Variants in CPVL observed in about 807,000 individuals in gnomAD.
The protein encoded by CPVL is carboxypeptidase vitellogenic like, also known as probable serine carboxypeptidase CPVL.
Under a neutral mutation model 63.7 loss-of-function variants are expected in CPVL, and 51 were observed. The observed-to-expected ratio is 0.80, with a 90% confidence interval of 0.64 to 1.01. CPVL has a LOEUF of 1.01. CPVL is among the 50% of genes least tolerant of loss of function. The pLI, the probability that CPVL is intolerant of heterozygous loss-of-function variation, is 0.00. For synonymous variants in CPVL, 195 were observed against 206.0 expected (o/e 0.95, Z 0.46); for missense variants, 530 against 573.1 (o/e 0.92, Z 0.77).
At chr7:29,097,171 G>A (rs1380132492) in intron 3 of CPVL, among the ~76,000 whole-genome samples, 1 of 152,118 alleles carries the variant, frequency 6.6e-6, no homozygotes, top group Non-Finnish European at 1.5e-5. Flanking sequence ...ACTAGAAAAG[G>A]GTATTGGCAG....
chr7:29,128,811 T>C (rs1159830428), intron 1 of CPVL, among the ~76,000 whole-genome samples: 1 of 151,818 alleles, frequency 6.6e-6, no homozygotes, highest in Non-Finnish European at 1.5e-5. Context: ...GGGAAACACA[T>C]CTCTGGGTAG....
intron 6 of CPVL, among the ~76,000 whole-genome samples, chr7:29,087,295 G>A (rs1365823229): frequency 6.6e-6 from 1 of 151,690 alleles, no homozygotes; most frequent in Non-Finnish European, 1.5e-5. Flanking sequence ...ATGGTGGTGC[G>A]CGCCTGTAGT....
At chr7:29,119,772 C>A (rs145358944) in intron 2 of CPVL, among the ~76,000 whole-genome samples, 3 of 152,122 alleles carry the variant, frequency 2.0e-5, no homozygotes, top group African/African-American at 7.2e-5. Context: ...TGCTGGATAA[C>A]GGGGCACAGC....
At chr7:29,173,028 G>A (rs1235208546) in intron 5 of CPVL, among the ~76,000 whole-genome samples, 1 of 151,830 alleles carries the variant, frequency 6.6e-6, no homozygotes, top group Admixed American at 6.6e-5. Context: ...CCACTCAGGA[G>A]CCTGGGGAAG....
At chr7:29,075,569 T>C (rs921111078) in intron 7 of CPVL, among the ~76,000 whole-genome samples, 9 of 144,782 alleles carry the variant, frequency 6.2e-5, no homozygotes, top group Non-Finnish European at 3.0e-5. Context: ...TCCTGGAATA[T>C]ACCACGGGTC....
chr7:29,022,356 G>A (rs1787084040), intron 12 of CPVL, among the ~76,000 whole-genome samples: 1 of 152,146 alleles, frequency 6.6e-6, no homozygotes, highest in Non-Finnish European at 1.5e-5. Flanking sequence ...CACCCCCACT[G>A]CCACTGGTGC....
In CPVL at chr7:29,098,432, AGGCGCCACCTCTC is replaced by A. The variant is rs1786681501; in HGVS notation, c.289-2228_289-2216del. Among the ~76,000 whole-genome samples the A allele has an allele frequency of 2.6e-5, 4 of 152,226 alleles. No homozygotes were observed. In the South Asian group the frequency reaches 8.3e-4, roughly 32 times the overall value. On this transcript the variant is annotated intron_variant, in intron 3 of 12. Coordinates refer to ENST00000265394, the MANE Select transcript of CPVL (RefSeq NM_031311.5). ...TGAGCTGGGGCACACCCCTCCTATGAGGCGCCACCTCTCGGGCTCATTCTTGAGTGTTAACAAA... is the reference window on the plus strand; with the variant it reads ...TGAGCTGGGGCACACCCCTCCTATGAGGGCTCATTCTTGAGTGTTAACAAA...
rs555736240 is a variant in CPVL at position 29,143,270 on chromosome 7, C to T, written c.-11+3159G>A. 3.3e-5 allele frequency among the ~76,000 whole-genome samples: 5 copies of T among 152,340 alleles called. 1 individual carries two copies. In the East Asian group the frequency reaches 9.7e-4, roughly 29 times the overall value. On this transcript the variant is annotated intron_variant, in intron 1 of 12. Coordinates refer to ENST00000265394, the MANE Select transcript of CPVL (RefSeq NM_031311.5). ...CTCCTTGTTCCCTAACCCTACCCTG[C>T]CTTTTATGTTTTTACAGCTTTGCTG...
intron 1 of CPVL, chr7:29,191,470 C>T (rs1029768264): frequency 1.3e-5 from 2 of 152,136 alleles, no homozygotes; most frequent in Non-Finnish European, 2.9e-5. Context: ...TGCTGCTAGC[C>T]CCAAGGGCAT....
chr7:29,157,298 T>A (rs1584467211), intron 5 of CPVL, among the ~76,000 whole-genome samples: 2 of 151,548 alleles, frequency 1.3e-5, no homozygotes. Flanking sequence ...CAGTACTGCA[T>A]CTTTAATCAA....
chr7:29,092,620 T>C lies in CPVL; in HGVS notation c.542+3A>G. 1 of 1,607,540 alleles carries C rather than the reference T, an allele frequency of 6.2e-7. No individual in the cohort carries two copies. The highest frequency in any genetic ancestry group is 8.5e-7 in the Non-Finnish European group (1 of 1,173,982). On this transcript the variant is annotated splice_donor_region_variant and intron_variant, in intron 6 of 12. Coordinates refer to ENST00000265394, the MANE Select transcript of CPVL (RefSeq NM_031311.5). ...AAGCCAAGAGAAAGCAGGAGCATTTTACCTGTATAAATCCCGTGCTACATC... is the reference window on the plus strand; with the variant it reads ...AAGCCAAGAGAAAGCAGGAGCATTTCACCTGTATAAATCCCGTGCTACATC...
Position 29,107,514 on chromosome 7 carries a change from C to G in CPVL, c.288+5190G>C, listed in dbSNP as rs942667175. Among the ~76,000 whole-genome samples the G allele has an allele frequency of 2.0e-5, 3 of 152,218 alleles. No individual in the cohort carries two copies. In the East Asian group the frequency reaches 5.8e-4, roughly 29 times the overall value. ...CCCAGAGAATACGAATGCCATCTCC[C>G]AAGTTATACAGCCGGGAATCGCAGA... On this transcript the variant is annotated intron_variant, in intron 3 of 12. Transcript: ENST00000265394.
chr7:29,105,604 G>T (rs1787646922), intron 3 of CPVL, among the ~76,000 whole-genome samples: 1 of 152,170 alleles, frequency 6.6e-6, no homozygotes, highest in Non-Finnish European at 1.5e-5. Flanking sequence ...ACCTGCATCA[G>T]TTAAGGCCCA....
intron 5 of CPVL, among the ~76,000 whole-genome samples, chr7:29,154,818 G>A (rs1247784615): frequency 6.6e-6 from 1 of 152,208 alleles, no homozygotes; most frequent in African/African-American, 2.4e-5. Flanking sequence ...CTGGGCGACA[G>A]AGTGAGACTC....
intron 12 of CPVL, among the ~76,000 whole-genome samples, chr7:29,002,866 C>CAA (rs373207674): frequency 0.2 from 24,264 of 123,918 alleles, 2,396 homozygotes; most frequent in East Asian, 0.32. Flanking sequence ...TATGAAAATT[C>CAA]AAAAAAAAAA....
At chr7:29,099,997 C>T (rs73684589) in intron 3 of CPVL, among the ~76,000 whole-genome samples, 1,617 of 152,304 alleles carry the variant, frequency 0.011, 26 homozygotes, top group African/African-American at 0.036. Context: ...CTGCCCCAAC[C>T]TGCCTGTGGA....
At chr7:29,195,231 G>C in exon 1 of CPVL, 2 of 438,750 alleles carry the variant, frequency 4.6e-6, no homozygotes, top group East Asian at 3.8e-5. Context: ...GTGCGGACGC[G>C]GGTGTTCCGG....
intron 7 of CPVL, among the ~76,000 whole-genome samples, chr7:29,073,597 C>A (rs1236899618): frequency 1.3e-5 from 2 of 152,180 alleles, no homozygotes; most frequent in Non-Finnish European, 2.9e-5. Flanking sequence ...TTTGGACCAG[C>A]CATTCCCTCC....
At chr7:29,003,179 CACACACACAG>C (rs367835965) in intron 12 of CPVL, among the ~76,000 whole-genome samples, 22,813 of 135,408 alleles carry the variant, frequency 0.17, 2,842 homozygotes, top group African/African-American at 0.38. Flanking sequence ...CACACACACA[CACACACACAG>C]AGAGAATAGC....
Sources: gnomAD v4.1 joint callset for allele counts (sites outside exome capture counted in the v4.1 genomes callset) on GRCh38, gnomAD v4.1.1 for gene constraint, MANE v1.5 for transcripts, NCBI Gene and HGNC (gene_info 2026-07-23, HGNC 2026-07-21) for gene names.